The following ARPP19 variants were observed in gnomAD, a reference collection of about 807,000 sequenced individuals.
The protein encoded by ARPP19 is cAMP-regulated phosphoprotein 19.
ARPP19 carries 8 observed loss-of-function variants against 12.0 expected under a neutral mutation model. The observed-to-expected ratio is 0.67, with a 90% confidence interval of 0.39 to 1.21. The LOEUF (loss-of-function observed/expected upper bound fraction) is 1.21, where lower values mean the gene tolerates loss of function less well. ARPP19 is among the 50% of genes most tolerant of loss of function. The pLI, the probability that ARPP19 is intolerant of heterozygous loss-of-function variation, is 0.01. For synonymous variants in ARPP19, 47 were observed against 50.4 expected (o/e 0.93, Z 0.29); for missense variants, 102 against 136.3 (o/e 0.75, Z 1.25).
chr15:52,551,847 GTGAA>G lies in ARPP19; in HGVS notation c.*83_*86del. 5 of 1,005,262 alleles carry G rather than the reference GTGAA, an allele frequency of 5.0e-6. No individual in the cohort carries two copies. The highest frequency in any genetic ancestry group is 7.6e-6 in the Non-Finnish European group (5 of 660,104). 62.3% of individuals were successfully genotyped at this position (1,005,262 alleles called of 1,614,324 possible). A position where few individuals can be genotyped will look rare whatever the true frequency, so the allele number is the denominator to read the frequency against. On this transcript the variant is annotated 3_prime_UTR_variant, in exon 3 of 3. Coordinates refer to ENST00000249822, the MANE Select transcript of ARPP19 (RefSeq NM_006628.6). Reference sequence around the variant, plus strand: ...CAAAGCTGTCAGTCTCAAATGACTAGTGAATGAAAGGAAATAAAAAGTAGATAAG... The same window carrying G: ...CAAAGCTGTCAGTCTCAAATGACTAGTGAAAGGAAATAAAAAGTAGATAAG...
At position 52,547,366 on chromosome 15, in the gene ARPP19, A is replaced by C. The variant is rs921824429; in HGVS notation, c.*4568T>G. 1 of 152,234 alleles carries C rather than the reference A, an allele frequency of 6.6e-6. No homozygotes were observed. The highest frequency in any genetic ancestry group is 2.4e-5 in the African/African-American group (1 of 41,440). 9.4% of individuals were successfully genotyped at this position (152,234 alleles called of 1,614,324 possible). A position where few individuals can be genotyped will look rare whatever the true frequency, so the allele number is the denominator to read the frequency against. ...CAAAAAGCAAAACAAAACAAAACAA[A>C]AAAACAAAACAAGGCATTTACTCTT... is the stretch of plus-strand genomic sequence containing the variant. On this transcript the variant is annotated 3_prime_UTR_variant, in exon 3 of 3. Transcript: ENST00000249822.
rs946420961 is a variant in ARPP19 at position 52,550,538 on chromosome 15, G to A, written c.*1396C>T. On this transcript the variant is annotated 3_prime_UTR_variant, in exon 3 of 3. Transcript: ENST00000249822. ...ATAAAGGATCAAGAATAGTTAACTT[G>A]AGCCTAGGAGTAAGGTTGCAGTGAG... 4 of 152,128 alleles carry A rather than the reference G, an allele frequency of 2.6e-5. No individual in the cohort carries two copies. Among genetic ancestry groups the A allele is most frequent in the African/African-American group, 7.2e-5 (3 of 41,426 alleles). 9.4% of individuals were successfully genotyped at this position (152,128 alleles called of 1,614,324 possible). A position where few individuals can be genotyped will look rare whatever the true frequency, so the allele number is the denominator to read the frequency against.
chr15:52,560,715 T>A (rs1370223960), intron 1 of ARPP19, among the ~76,000 whole-genome samples: 10 of 152,248 alleles, frequency 6.6e-5, no homozygotes, highest in Admixed American at 6.5e-4. Context: ...ATTCTGACAG[T>A]TACTGAGTTC....
chr15:52,569,008 G>A lies in ARPP19; in HGVS notation c.-116C>T. 1 of 709,414 alleles carries A rather than the reference G, an allele frequency of 1.4e-6. No homozygotes were observed. Among genetic ancestry groups the A allele is most frequent in the East Asian group, 3.3e-5 (1 of 30,076 alleles). The allele number at this position is 709,414 out of a possible 1,614,324, so 43.9% of individuals were successfully genotyped here. ...GGCCCGCCGGGCCGCCTCCGCCCGCGAAAATGGCCGCCGCCTTATGACGAC... is the reference window on the plus strand; with the variant it reads ...GGCCCGCCGGGCCGCCTCCGCCCGCAAAAATGGCCGCCGCCTTATGACGAC... On this transcript the variant is annotated 5_prime_UTR_variant, in exon 1 of 3. Transcript: ENST00000249822.
At chr15:52,556,774 T>C (rs1182701873) in intron 2 of ARPP19, among the ~76,000 whole-genome samples, 1 of 152,074 alleles carries the variant, frequency 6.6e-6, no homozygotes, top group Non-Finnish European at 1.5e-5. Context: ...ATCTACAACA[T>C]TTTCTTTCTT....
chr15:52,563,304 A>C (rs562113653), intron 1 of ARPP19, among the ~76,000 whole-genome samples: 25 of 152,202 alleles, frequency 1.6e-4, no homozygotes, highest in Non-Finnish European at 3.2e-4. Flanking sequence ...GTAGCTTCTA[A>C]ATTGATAATA....
intron 1 of ARPP19, 134 bp from the exon 2 acceptor site, chr15:52,557,356 C>T (rs1439825975): frequency 1.4e-6 from 1 of 701,392 alleles, no homozygotes; most frequent in African/African-American, 1.8e-5. Flanking sequence ...AAATCAAACC[C>T]AGAAGCCTTT....
intron 2 of ARPP19, 120 bp downstream of exon 2, chr15:52,556,980 T>C: frequency 1.9e-6 from 2 of 1,057,166 alleles, no homozygotes; most frequent in Middle Eastern, 3.2e-4. Context: ...CAGATACATA[T>C]ACACATATGT....
rs975185807 is a variant in ARPP19 at position 52,551,549 on chromosome 15, A to G, written c.*385T>C. ...ACAAAATCCAAAAGGTAAATACAGA[A>G]GAAATCAATACAATAGAGATTATAT... On this transcript the variant is annotated 3_prime_UTR_variant, in exon 3 of 3. Coordinates refer to ENST00000249822, the MANE Select transcript of ARPP19 (RefSeq NM_006628.6). 6.4e-6 allele frequency: 1 copy of G among 156,310 alleles called. No homozygotes were observed. Among genetic ancestry groups the G allele is most frequent in the African/African-American group, 2.4e-5 (1 of 41,572 alleles). The allele number at this position is 156,310 out of a possible 1,614,324, so 9.7% of individuals were successfully genotyped here. A position where few individuals can be genotyped will look rare whatever the true frequency, so the allele number is the denominator to read the frequency against.
chr15:52,552,354 A>G (rs1485416621), intron 2 of ARPP19, among the ~76,000 whole-genome samples: 1 of 151,812 alleles, frequency 6.6e-6, no homozygotes, highest in Non-Finnish European at 1.5e-5. Context: ...CGAAACACTT[A>G]AGGTCAGGAG....
intron 1 of ARPP19, among the ~76,000 whole-genome samples, chr15:52,564,703 G>GA (rs1236212309): frequency 6.6e-6 from 1 of 151,576 alleles, no homozygotes; most frequent in African/African-American, 2.4e-5. Flanking sequence ...ATAACCTCTA[G>GA]AAAACTTGCT....
chr15:52,557,973 ACT>A (rs1310951743), intron 1 of ARPP19, among the ~76,000 whole-genome samples: 2 of 152,082 alleles, frequency 1.3e-5, no homozygotes, highest in Non-Finnish European at 2.9e-5. Context: ...AAAATGACAA[ACT>A]CTGTTCATGT....
upstream of ARPP19, chr15:52,569,078 G>C (rs370034014): frequency 2.0e-4 from 111 of 565,266 alleles, 1 homozygote; most frequent in East Asian, 3.6e-3. Context: ...TCGCACGCCG[G>C]AGCCCGCCTG....
Position 52,550,477 on chromosome 15 carries a change from T to C in ARPP19, c.*1457A>G, listed in dbSNP as rs2077919122. The stretch of plus-strand genomic sequence containing the variant: ...ATTCCGAACCGTTTCATTATAAAGT[T>C]CCTTTTATTTAAACAATTGTAGAAT... On this transcript the variant is annotated 3_prime_UTR_variant, in exon 3 of 3. Coordinates refer to ENST00000249822, the MANE Select transcript of ARPP19 (RefSeq NM_006628.6). 1 of 152,230 alleles carries C rather than the reference T, an allele frequency of 6.6e-6. No homozygotes were observed. Among genetic ancestry groups the C allele is most frequent in the South Asian group, 2.1e-4 (1 of 4,834 alleles). The allele number at this position is 152,230 out of a possible 1,614,324, so 9.4% of individuals were successfully genotyped here.
At position 52,552,047 on chromosome 15, in the gene ARPP19, G is replaced by T; in HGVS notation, c.226C>A (p.Gln76Lys). The T allele has an allele frequency of 1.9e-6, 3 of 1,613,480 alleles. No individual in the cohort carries two copies. Among genetic ancestry groups the T allele is most frequent in the Middle Eastern group, 3.3e-4 (2 of 6,060 alleles). ...TTATCCGGAGCTGCAGTAGGAAGTT[G>T]CTTGTTCTTCATTTTTGCTTTAGCC... ...NMAKAKMKNKQLPTAAPDKTE... is the reference protein window; with the variant it reads ...NMAKAKMKNKKLPTAAPDKTE... Residue 76 changes from glutamine (Q) to lysine (K), a missense_variant, in exon 3 of 3, where the codon CAA becomes AAA. Coordinates refer to ENST00000249822, the MANE Select transcript of ARPP19 (RefSeq NM_006628.6).
chr15:52,558,473 A>C (rs1483987330), intron 1 of ARPP19, among the ~76,000 whole-genome samples: 2 of 149,998 alleles, frequency 1.3e-5, no homozygotes, highest in Non-Finnish European at 3.0e-5. Context: ...CAAAACAGAA[A>C]AAAAAAAAAA....
At chr15:52,564,155 TA>T in intron 1 of ARPP19, 1 of 1,469,146 alleles carries the variant, frequency 6.8e-7, no homozygotes, top group Non-Finnish European at 9.2e-7. Context: ...CTAAGACGGC[TA>T]AGAGAAACAT....
rs182633249 is a variant in ARPP19 at position 52,549,068 on chromosome 15, T to C, written c.*2866A>G. On this transcript the variant is annotated 3_prime_UTR_variant, in exon 3 of 3. Coordinates refer to ENST00000249822, the MANE Select transcript of ARPP19 (RefSeq NM_006628.6). ...ACTTGCTGAGAACCATGTCAGATGCTGCGTTCAAGAATGAAATGTTCCTCA... is the reference window on the plus strand; with the variant it reads ...ACTTGCTGAGAACCATGTCAGATGCCGCGTTCAAGAATGAAATGTTCCTCA... The C allele has an allele frequency of 6.6e-6, 1 of 152,442 alleles. No homozygotes were observed. Among genetic ancestry groups the C allele is most frequent in the Non-Finnish European group, 1.5e-5 (1 of 68,036 alleles). 9.4% of individuals were successfully genotyped at this position (152,442 alleles called of 1,614,324 possible). A position where few individuals can be genotyped will look rare whatever the true frequency, so the allele number is the denominator to read the frequency against.
chr15:52,557,478 G>A lies in ARPP19; in HGVS notation c.46-256C>T, dbSNP rs530565633. 7 of 364,192 alleles carry A rather than the reference G, an allele frequency of 1.9e-5. No individual in the cohort carries two copies. In the South Asian group the frequency reaches 2.6e-4, roughly 14 times the overall value. 22.6% of individuals were successfully genotyped at this position (364,192 alleles called of 1,614,324 possible). On this transcript the variant is annotated intron_variant, in intron 1 of 2. Transcript: ENST00000249822. ...AAAAATATCAAGATAGCTCAGCTCT[G>A]AAGTCTTGCTTGCCATTACTTTTCC...
Sources: gnomAD v4.1 joint callset for allele counts (sites outside exome capture counted in the v4.1 genomes callset) on GRCh38, gnomAD v4.1.1 for gene constraint, MANE v1.5 for transcripts, NCBI Gene and HGNC (gene_info 2026-07-23, HGNC 2026-07-21) for gene names.